The following ZSWIM6 variants were observed in gnomAD, a reference collection of about 807,000 sequenced individuals.
ZSWIM6 encodes zinc finger SWIM domain-containing protein 6.
ZSWIM6 carries 9 observed loss-of-function variants against 113.2 expected under a neutral mutation model. The observed-to-expected ratio is 0.08, with a 90% CI of 0.05 to 0.14. ZSWIM6 has a LOEUF of 0.14. ZSWIM6 is among the 10% of genes least tolerant of loss of function. The pLI, the probability that ZSWIM6 is intolerant of heterozygous loss-of-function variation, is 1.00. For synonymous variants in ZSWIM6, 611 were observed against 606.5 expected, an observed-to-expected ratio of 1.01 and a Z score of -0.11; for missense variants, 1,162 against 1,552.2, an observed-to-expected ratio of 0.75 and a Z score of 4.22.
chr5:61,468,941 T>C lies in ZSWIM6; in HGVS notation c.677-3740T>C, dbSNP rs115764305. Among the ~76,000 whole-genome samples, 1,017 of 152,354 alleles carry C rather than the reference T, an allele frequency of 6.7e-3. 4 individuals are homozygous for C. The highest frequency in any genetic ancestry group is 0.021 in the South Asian group (100 of 4,828). On this transcript the variant is annotated intron_variant, in intron 1 of 13. Transcript: ENST00000252744. ...CCCTTTATGTGTATATGTATAATTTTCTGTATTTAAGGTAAAACTTCTCTA... is the reference window on the plus strand; with the variant it reads ...CCCTTTATGTGTATATGTATAATTTCCTGTATTTAAGGTAAAACTTCTCTA...
chr5:61,509,444 G>C (rs992962007), intron 4 of ZSWIM6, among the ~76,000 whole-genome samples: 3 of 152,196 alleles, frequency 2.0e-5, no homozygotes, highest in Non-Finnish European at 1.5e-5. Flanking sequence ...GCCGAAGGAA[G>C]AGTACGCACA....
chr5:61,385,086 G>C (rs938987543), intron 1 of ZSWIM6, among the ~76,000 whole-genome samples: 3 of 152,136 alleles, frequency 2.0e-5, no homozygotes, highest in African/African-American at 7.2e-5. Flanking sequence ...GGAAACTCCT[G>C]CAGTCCTGGG....
chr5:61,539,045 A>G (rs1451791630), intron 11 of ZSWIM6, 74 bp downstream of exon 11: 5 of 1,419,078 alleles, frequency 3.5e-6, no homozygotes, highest in Non-Finnish European at 4.7e-6. Context: ...CTTGTTTTCT[A>G]TCAAATTCTC....
intron 1 of ZSWIM6, among the ~76,000 whole-genome samples, chr5:61,358,276 G>C (rs1025709950): frequency 6.6e-6 from 1 of 152,170 alleles, no homozygotes; most frequent in African/African-American, 2.4e-5. Context: ...TTAAGCCCTT[G>C]AAAGGATCTT....
chr5:61,387,709 C>T (rs1745616411), intron 1 of ZSWIM6, among the ~76,000 whole-genome samples: 1 of 152,012 alleles, frequency 6.6e-6, no homozygotes, highest in Admixed American at 6.5e-5. Flanking sequence ...GAATTTGAGA[C>T]CAGCCTGGGT....
chr5:61,387,187 A>G (rs189226688), intron 1 of ZSWIM6, among the ~76,000 whole-genome samples: 1 of 152,346 alleles, frequency 6.6e-6, no homozygotes, highest in Non-Finnish European at 1.5e-5. Flanking sequence ...AATGGATAAT[A>G]TCAGTAATAA....
intron 9 of ZSWIM6, among the ~76,000 whole-genome samples, chr5:61,532,357 A>G (rs1749460531): frequency 6.6e-6 from 1 of 152,206 alleles, no homozygotes; most frequent in Non-Finnish European, 1.5e-5. Context: ...TTTGGCTGAC[A>G]CTATTTTTCA....
At chr5:61,527,557 C>T (rs1749321325) in intron 7 of ZSWIM6, among the ~76,000 whole-genome samples, 1 of 152,126 alleles carries the variant, frequency 6.6e-6, no homozygotes, top group East Asian at 1.9e-4. Context: ...TGACTTTGTC[C>T]AGTTCATGAT....
In ZSWIM6 at chr5:61,502,117, G is replaced by A. The variant is rs144998117; in HGVS notation, c.1333+7707G>A. 2.6e-4 allele frequency among the ~76,000 whole-genome samples: 39 copies of A among 152,252 alleles called. 1 individual carries two copies. The highest frequency in any genetic ancestry group is 9.4e-4 in the African/African-American group (39 of 41,544). On this transcript the variant is annotated intron_variant, in intron 4 of 13. Coordinates refer to ENST00000252744, the MANE Select transcript of ZSWIM6 (RefSeq NM_020928.2). ...TCCTTTCACCATTTCTTACCCTGAA[G>A]TGGCAGCATAGAAAAATTAATGAGG...
At chr5:61,462,916 C>T (rs1205885080) in intron 1 of ZSWIM6, among the ~76,000 whole-genome samples, 1 of 152,210 alleles carries the variant, frequency 6.6e-6, no homozygotes, top group Non-Finnish European at 1.5e-5. Context: ...TCCTACCCCA[C>T]CTTGTGCCAT....
chr5:61,487,551 A>G (rs1437138527), intron 2 of ZSWIM6, among the ~76,000 whole-genome samples: 2 of 151,902 alleles, frequency 1.3e-5, no homozygotes, highest in Non-Finnish European at 2.9e-5. Context: ...TGTTTGTGTC[A>G]TCTTTAATTT....
At chr5:61,337,577 C>T (rs1244382689) in intron 1 of ZSWIM6, among the ~76,000 whole-genome samples, 1 of 152,056 alleles carries the variant, frequency 6.6e-6, no homozygotes, top group African/African-American at 2.4e-5. Flanking sequence ...AAGGGAAGTG[C>T]CTAAGAAATA....
intron 1 of ZSWIM6, among the ~76,000 whole-genome samples, chr5:61,398,470 T>C (rs2112100128): frequency 6.6e-6 from 1 of 152,300 alleles, no homozygotes; most frequent in Non-Finnish European, 1.5e-5. Flanking sequence ...GCCGCCTTTA[T>C]AGCATCAGCT....
chr5:61,522,871 G>T (rs1749169682), intron 5 of ZSWIM6, among the ~76,000 whole-genome samples: 1 of 152,122 alleles, frequency 6.6e-6, no homozygotes, highest in Non-Finnish European at 1.5e-5. Flanking sequence ...TGCTTTTGGG[G>T]ACTGCTACTC....
chr5:61,467,646 A>G (rs1299075666), intron 1 of ZSWIM6, among the ~76,000 whole-genome samples: 1 of 152,226 alleles, frequency 6.6e-6, no homozygotes, highest in African/African-American at 2.4e-5. Flanking sequence ...TTAGAATCCT[A>G]TAGTTACTAG....
chr5:61,425,096 A>T (rs1376313488), intron 1 of ZSWIM6, among the ~76,000 whole-genome samples: 1 of 152,160 alleles, frequency 6.6e-6, no homozygotes, highest in African/African-American at 2.4e-5. Context: ...ACTTGTAAAT[A>T]TTAGGGAATA....
intron 1 of ZSWIM6, among the ~76,000 whole-genome samples, chr5:61,441,108 GC>G (rs1443800821): frequency 6.6e-6 from 1 of 152,174 alleles, no homozygotes; most frequent in East Asian, 1.9e-4. Context: ...AGAGGAAATT[GC>G]ATGAGCTAAG....
chr5:61,468,046 A>G (rs1017861479), intron 1 of ZSWIM6, among the ~76,000 whole-genome samples: 1 of 152,206 alleles, frequency 6.6e-6, no homozygotes, highest in African/African-American at 2.4e-5. Flanking sequence ...TTTAATGAGC[A>G]CTTTTACTAT....
At chr5:61,335,836 TAAA>T (rs1180725747) in intron 1 of ZSWIM6, among the ~76,000 whole-genome samples, 1 of 152,214 alleles carries the variant, frequency 6.6e-6, no homozygotes, top group Non-Finnish European at 1.5e-5. Flanking sequence ...TTCTATATTT[TAAA>T]AAGAAATTTA....
Sources: gnomAD v4.1 joint callset for allele counts (sites outside exome capture counted in the v4.1 genomes callset) on GRCh38, gnomAD v4.1.1 for gene constraint, MANE v1.5 for transcripts, NCBI Gene and HGNC (gene_info 2026-07-23, HGNC 2026-07-21) for gene names.